YTHDC2: variants seen among roughly 807,000 people sequenced by gnomAD.
YTHDC2 encodes the protein YTH N6-methyladenosine RNA binding protein C2, also known as 3'-5' RNA helicase YTHDC2.
YTHDC2 carries 45 observed loss-of-function variants against 174.9 expected under a neutral mutation model. The ratio of observed to expected loss-of-function variants is 0.26; its 90% CI spans 0.20 to 0.33. The LOEUF (loss-of-function observed/expected upper bound fraction) is 0.33. Among genes scored for constraint, YTHDC2 ranks in the 10% least tolerant of loss-of-function variants. YTHDC2 has a pLI of 1.00. For missense variants in YTHDC2, 1,650 were observed against 1,723.7 expected (o/e 0.96, Z 0.76); for synonymous variants, 657 against 574.5 (o/e 1.14, Z -2.05).
chr5:113,574,765 T>A (rs1029428103), intron 23 of YTHDC2, among the ~76,000 whole-genome samples: 1 of 151,890 alleles, frequency 6.6e-6, no homozygotes. Context: ...ACAAACAGAT[T>A]TCCTGCCTTG....
Position 113,584,451 on chromosome 5 carries a change from C to G in YTHDC2, c.3797C>G (p.Ala1266Gly). 1 of 1,612,766 alleles carries G rather than the reference C, an allele frequency of 6.2e-7. No homozygotes were observed. Among genetic ancestry groups the G allele is most frequent in the Non-Finnish European group, 8.5e-7 (1 of 1,179,272 alleles). ...TDSSSYPSPC[A>G]SPSPPSSGKG... Reference sequence around the variant, plus strand: ...AGCAGTAGTTACCCAAGTCCTTGTGCTAGTCCTTCTCCTCCATCCTCAGGA... The same window carrying G: ...AGCAGTAGTTACCCAAGTCCTTGTGGTAGTCCTTCTCCTCCATCCTCAGGA... The change falls in exon 26 of 30, where the codon GCT (alanine) becomes GGT (glycine). Residue 1266 changes from alanine (A) to glycine (G), a missense_variant. Ala to Gly is a moderately conservative substitution (Grantham distance 60). Transcript: ENST00000161863.
rs952662486 is a variant in YTHDC2 at position 113,553,292 on chromosome 5, T to C, written c.1800T>C (p.Asp600=). Residue 600 remains aspartate, a synonymous_variant, in exon 13 of 30, where the codon GAT becomes GAC. Transcript: ENST00000161863. ...ELLKAYHHSF[D]DEKVDLDLIM... ...TGAAAGCTTATCATCATAGTTTCGA[T>C]GATGAAAAAGTAGACTTGGATTTGA... The C allele has an allele frequency of 5.6e-6, 9 of 1,611,846 alleles. No homozygotes were observed. The highest frequency in any genetic ancestry group is 5.0e-5 in the Admixed American group (3 of 59,630).
intron 4 of YTHDC2, among the ~76,000 whole-genome samples, chr5:113,527,947 C>A (rs1424162041): frequency 6.6e-6 from 1 of 152,124 alleles, no homozygotes; most frequent in Non-Finnish European, 1.5e-5. Flanking sequence ...CCCGCCACCA[C>A]GCCTGACCCA....
chr5:113,561,589 C>T (rs1382673216), intron 18 of YTHDC2, among the ~76,000 whole-genome samples: 1 of 151,762 alleles, frequency 6.6e-6, no homozygotes, highest in African/African-American at 2.4e-5. Flanking sequence ...TGGCCTCAGC[C>T]TCCCGAGTAG....
At chr5:113,588,788 A>C (rs569174778) in intron 26 of YTHDC2, among the ~76,000 whole-genome samples, 3 of 151,390 alleles carry the variant, frequency 2.0e-5, no homozygotes, top group African/African-American at 7.3e-5. Flanking sequence ...ATGCCTGGCT[A>C]AGTTTTTGTA....
chr5:113,549,871 A>G (rs558244758), intron 12 of YTHDC2, among the ~76,000 whole-genome samples: 1 of 151,996 alleles, frequency 6.6e-6, no homozygotes, highest in African/African-American at 2.4e-5. Flanking sequence ...AACAGCAACT[A>G]GATGTAGTAG....
At chr5:113,529,005 C>T (rs557542385) in intron 4 of YTHDC2, among the ~76,000 whole-genome samples, 31 of 152,044 alleles carry the variant, frequency 2.0e-4, no homozygotes, top group Non-Finnish European at 2.2e-4. Context: ...AGGCTAAGAA[C>T]ACATAATTTT....
At chr5:113,514,472 A>G (rs1773260957) in intron 1 of YTHDC2, among the ~76,000 whole-genome samples, 2 of 152,338 alleles carry the variant, frequency 1.3e-5, no homozygotes, top group African/African-American at 4.8e-5. Flanking sequence ...GAAATCAAAC[A>G]TATAAATAAA....
chr5:113,547,187 C>T (rs902722368), intron 10 of YTHDC2, among the ~76,000 whole-genome samples: 2 of 152,148 alleles, frequency 1.3e-5, no homozygotes, highest in African/African-American at 4.8e-5. Flanking sequence ...GCTCAAAATA[C>T]ACACAGTTTG....
chr5:113,578,982 C>T (rs750219824), intron 23 of YTHDC2, among the ~76,000 whole-genome samples: 1 of 151,924 alleles, frequency 6.6e-6, no homozygotes, highest in Non-Finnish European at 1.5e-5. Flanking sequence ...TTTTTATAAT[C>T]TCATTTTCAC....
intron 10 of YTHDC2, among the ~76,000 whole-genome samples, chr5:113,546,940 G>A (rs1775923198): frequency 6.6e-6 from 1 of 150,546 alleles, no homozygotes; most frequent in South Asian, 2.1e-4. Flanking sequence ...CCTGTGAGGT[G>A]CAGCTGGCTT....
At chr5:113,590,885 G>A (rs1215319254) in intron 26 of YTHDC2, among the ~76,000 whole-genome samples, 156 bp from the exon 27 acceptor site, 2 of 152,178 alleles carry the variant, frequency 1.3e-5, no homozygotes, top group African/African-American at 2.4e-5. Context: ...TTTTGGTTGA[G>A]TCTTGTGTAG....
chr5:113,561,218 T>C (rs1776941750), intron 18 of YTHDC2, 33 bp downstream of exon 18: 1 of 1,573,858 alleles, frequency 6.4e-7, no homozygotes, highest in African/African-American at 1.4e-5. Context: ...AAGGCATTTT[T>C]TTGGGTGAGG....
chr5:113,566,885 A>T (rs943651377), intron 21 of YTHDC2, among the ~76,000 whole-genome samples: 3 of 152,268 alleles, frequency 2.0e-5, no homozygotes, highest in African/African-American at 7.2e-5. Context: ...GAGCAGATCT[A>T]CACTTCCCTA....
intron 23 of YTHDC2, among the ~76,000 whole-genome samples, chr5:113,573,842 A>G (rs1036436575): frequency 1.3e-5 from 2 of 151,950 alleles, no homozygotes; most frequent in African/African-American, 4.8e-5. Flanking sequence ...TCTTCTCTAA[A>G]CTGGCTATTA....
rs1384162049 is a variant in YTHDC2 at position 113,513,976 on chromosome 5, TG to T, written c.86del (p.Gly29AlafsTer8). On this transcript the variant is annotated frameshift_variant, in exon 1 of 30. Coordinates refer to ENST00000161863, the MANE Select transcript of YTHDC2 (RefSeq NM_022828.5). LOFTEE classifies it high-confidence loss of function. ...GCGGCGGCCCCTCGCCTTGTGGCCC[TG>T]GGGGCGGCGGCCGGGCCAAGGGGCT... ...GGGGPSPCGP[G>X]GGGRAKGLKD... 1 of 1,603,102 alleles carries T rather than the reference TG, an allele frequency of 6.2e-7. No homozygotes were observed. Among genetic ancestry groups the T allele is most frequent in the Non-Finnish European group, 8.5e-7 (1 of 1,175,666 alleles).
intron 16 of YTHDC2, 100 bp from the exon 17 acceptor site, chr5:113,555,952 A>G: frequency 1.6e-6 from 1 of 636,050 alleles, no homozygotes; most frequent in Non-Finnish European, 2.7e-6. Context: ...GAGGACTTTG[A>G]ATTAAACTTT....
chr5:113,546,733 C>T (rs1193333413), intron 10 of YTHDC2, among the ~76,000 whole-genome samples: 4 of 152,162 alleles, frequency 2.6e-5, no homozygotes, highest in African/African-American at 9.7e-5. Context: ...GGTCTGGCTC[C>T]AAGTCTCTCA....
At chr5:113,577,701 A>G (rs969682754) in intron 23 of YTHDC2, among the ~76,000 whole-genome samples, 2 of 152,174 alleles carry the variant, frequency 1.3e-5, no homozygotes, top group Non-Finnish European at 2.9e-5. Flanking sequence ...GTTTCCATCC[A>G]GGAAATTTAG....
Sources: allele counts gnomAD v4.1 joint callset (sites outside exome capture counted in the v4.1 genomes callset), GRCh38; gene constraint gnomAD v4.1.1; transcripts MANE v1.5; gene names NCBI Gene and HGNC (gene_info 2026-07-23, HGNC 2026-07-21).